Variants in ZC3H4 observed in about 807,000 individuals in gnomAD.
ZC3H4 encodes zinc finger CCCH-type containing 4.
A neutral mutation model predicts 108.3 loss-of-function variants in ZC3H4; 13 were observed. The observed-to-expected ratio is 0.12, with a 90% confidence interval of 0.08 to 0.19. The LOEUF (loss-of-function observed/expected upper bound fraction) is 0.19. Among genes scored for constraint, ZC3H4 ranks in the 10% least tolerant of loss-of-function variants. ZC3H4 has a pLI of 1.00. For missense variants in ZC3H4, 1,734 were observed against 1,838.8 expected, an observed-to-expected ratio of 0.94 and a Z score of 1.04; for synonymous variants, 917 against 749.6, an observed-to-expected ratio of 1.22 and a Z score of -3.65.
At position 47,067,697 on chromosome 19, in the gene ZC3H4, G is replaced by T; in HGVS notation, c.2571C>A (p.Ser857Arg). 6.2e-7 allele frequency: 1 copy of T among 1,602,148 alleles called. No homozygotes were observed. The change falls in exon 15 of 15, where the codon AGC (serine) becomes AGA (arginine). Residue 857 changes from serine (S) to arginine (R), a missense_variant. Coordinates refer to ENST00000253048, the MANE Select transcript of ZC3H4 (RefSeq NM_015168.2). The surrounding 1 kb of genome is among the most constrained non-coding windows in gnomAD (Gnocchi z 6.4). ...PRLQKGHPTG[S>R]RLADPRLSRD... ...GGCTGAGGCGAGGGTCAGCCAGCCG[G>T]CTTCCTGTGGGGTGTCCCTTCTGGA...
rs1331436997 is a variant in ZC3H4 at position 47,085,341 on chromosome 19, C to T, written c.944G>A (p.Arg315His). ...ACCTCGGCCTCGGCTGTCCTTGGAG[C>T]GGCGGTACTGGTTCAGCTCCTTGGA... ...EYSKELNQYR[R>H]SKDSRGRGLS... The change falls in exon 7 of 15, where the codon CGC becomes CAC. Residue 315 changes from arginine to histidine, a missense_variant. Physicochemically the swap from Arg to His is conservative, Grantham distance 29 (BLOSUM62 0). This residue lies in a region of ZC3H4 where 403 missense variants were observed against 457.0 expected (regional missense o/e 0.88). Transcript: ENST00000253048. 6.2e-6 allele frequency: 10 copies of T among 1,601,208 alleles called. No individual in the cohort carries two copies. Among genetic ancestry groups the T allele is most frequent in the East Asian group, 4.5e-5 (2 of 44,812 alleles).
At chr19:47,069,445 G>A (rs2057287090) in intron 13 of ZC3H4, 102 bp from the exon 14 acceptor site, 1 of 1,442,856 alleles carries the variant, frequency 6.9e-7, no homozygotes, top group Non-Finnish European at 9.3e-7. Flanking sequence ...TGGCGATGGA[G>A]AAGGACGCAC....
chr19:47,081,380 T>C, intron 11 of ZC3H4, 133 bp downstream of exon 11: 1 of 706,164 alleles, frequency 1.4e-6, no homozygotes, highest in Non-Finnish European at 2.5e-6. Flanking sequence ...CGTGTCCTCC[T>C]TAGAATGGCC....
In ZC3H4 at chr19:47,066,428, A is replaced by G; in HGVS notation, c.3840T>C (p.Gly1280=). The change falls in exon 15 of 15, where the codon GGT becomes GGC. Residue 1280 remains glycine, a synonymous_variant. Coordinates refer to ENST00000253048, the MANE Select transcript of ZC3H4 (RefSeq NM_015168.2). ...PFAGNSPARE[G]EQDAASLKDV... ...CCTTCAGGGATGCCGCATCCTGCTC[A>G]CCCTCGCGGGCCGGACTGTTCCCAG... The G allele has an allele frequency of 6.4e-7, 1 of 1,569,022 alleles. No individual in the cohort carries two copies. Among genetic ancestry groups the G allele is most frequent in the South Asian group, 1.2e-5 (1 of 83,738 alleles).
intron 14 of ZC3H4, among the ~76,000 whole-genome samples, chr19:47,068,478 G>A (rs1367979941): frequency 1.3e-5 from 2 of 152,228 alleles, no homozygotes; most frequent in Non-Finnish European, 2.9e-5. Context: ...GGGCCGGCTG[G>A]GCAGACTCAG....
chr19:47,111,446 G>A (rs777381443), intron 2 of ZC3H4, among the ~76,000 whole-genome samples: 18 of 152,210 alleles, frequency 1.2e-4, no homozygotes, highest in Non-Finnish European at 1.6e-4. Flanking sequence ...TCTCCCGGAA[G>A]AGACGGTGCC....
At chr19:47,081,345 T>A (rs981903691) in intron 11 of ZC3H4, among the ~76,000 whole-genome samples, 168 bp downstream of exon 11, 2 of 152,106 alleles carry the variant, frequency 1.3e-5, no homozygotes, top group Non-Finnish European at 2.9e-5. Flanking sequence ...CCACCTCAAC[T>A]CCTTGCAGAA....
intron 9 of ZC3H4, 152 bp downstream of exon 9, chr19:47,084,193 A>G: frequency 1.4e-6 from 1 of 690,756 alleles, no homozygotes; most frequent in Non-Finnish European, 2.5e-6. Flanking sequence ...CAGGCCGCCC[A>G]GGCAACTCCC....
chr19:47,079,422 T>C (rs1451976717), intron 11 of ZC3H4, among the ~76,000 whole-genome samples: 1 of 151,098 alleles, frequency 6.6e-6, no homozygotes, highest in Non-Finnish European at 1.5e-5. Context: ...AAATTTTAAA[T>C]GAATGATGTG....
chr19:47,111,326 T>C (rs946196028), intron 2 of ZC3H4, among the ~76,000 whole-genome samples: 1 of 152,146 alleles, frequency 6.6e-6, no homozygotes, highest in African/African-American at 2.4e-5. Flanking sequence ...CTGACCCCAT[T>C]ATCACCCGCC....
intron 11 of ZC3H4, among the ~76,000 whole-genome samples, chr19:47,073,956 C>A (rs1334439365): frequency 6.6e-6 from 1 of 152,144 alleles, no homozygotes; most frequent in East Asian, 1.9e-4. Flanking sequence ...TGACCATGAC[C>A]CTTAGGGCCT....
intron 11 of ZC3H4, among the ~76,000 whole-genome samples, chr19:47,078,679 G>C (rs2057465648): frequency 6.6e-6 from 1 of 151,966 alleles, no homozygotes; most frequent in Admixed American, 6.6e-5. Flanking sequence ...GGCCAACAGG[G>C]TGAAACCCTG....
At chr19:47,073,228 G>A (rs1013763817) in intron 11 of ZC3H4, among the ~76,000 whole-genome samples, 2 of 151,940 alleles carry the variant, frequency 1.3e-5, no homozygotes, top group East Asian at 1.9e-4. Flanking sequence ...AGCCAAGATC[G>A]CACCACTGCA....
rs758022893 is a variant in ZC3H4, at chr19:47,086,527, G to C, written c.727C>G (p.Arg243Gly). The change falls in exon 6 of 15, where the codon CGG becomes GGG. Residue 243 changes from arginine (R) to glycine (G), a missense_variant. Physicochemically the swap from Arg to Gly is moderately radical, Grantham distance 125 (BLOSUM62 -2). Around this residue, in one of 9 missense-constraint regions of ZC3H4, gnomAD observed 403 missense variants for 457.0 expected, o/e 0.88. Transcript: ENST00000253048. ...CCTCGGCCCCTGTAGCCCCGGCCCC[G>C]GCCTCGGCTGCCTGCATGGAGATTC... ...GSSRGRGSRG[R>G]GRGYRGRGSR... The C allele has an allele frequency of 7.6e-6, 12 of 1,588,826 alleles. No homozygotes were observed. The highest frequency in any genetic ancestry group is 7.7e-6 in the Non-Finnish European group (9 of 1,173,722).
chr19:47,069,273 C>T lies in ZC3H4; in HGVS notation c.2217G>A (p.Glu739=). ...GEHLFPEHPL[E]PDSFSEGGPP... is the part of the protein sequence containing the mutation. ...GCCCTCCCTCAGAGAAGCTGTCGGG[C>T]TCCAGAGGGTGCTCAGGGAAGAGGT... The change falls in exon 14 of 15, where the codon GAG becomes GAA. Residue 739 remains glutamate (E), a synonymous_variant. Coordinates refer to ENST00000253048, the MANE Select transcript of ZC3H4 (RefSeq NM_015168.2). 6.2e-7 allele frequency: 1 copy of T among 1,613,908 alleles called. No individual in the cohort carries two copies. Among genetic ancestry groups the T allele is most frequent in the Non-Finnish European group, 8.5e-7 (1 of 1,179,924 alleles).
rs778845717 is a variant in ZC3H4 at position 47,086,333 on chromosome 19, GA to G, written c.870+50del. On this transcript the variant is annotated intron_variant, in intron 6 of 14. Transcript: ENST00000253048. The stretch of plus-strand genomic sequence containing the variant: ...CTCTACCAGCAGTGCTCACGCCCCG[GA>G]AAGCCCACCAGCCTCACCCCGACGT... 1.6e-5 allele frequency: 25 copies of G among 1,606,232 alleles called. No individual in the cohort carries two copies. The Admixed American group carries it at 4.3e-4, about 28-fold the overall frequency.
chr19:47,105,829 C>T (rs2057961626), intron 2 of ZC3H4, among the ~76,000 whole-genome samples: 1 of 152,084 alleles, frequency 6.6e-6, no homozygotes, highest in Non-Finnish European at 1.5e-5. Context: ...CTTGGTTTTC[C>T]AATGCAAAAG....
Position 47,067,444 on chromosome 19 carries a change from C to A in ZC3H4, c.2824G>T (p.Asp942Tyr). The part of the protein sequence containing the change: ...LREKAVNIPL[D>Y]PLPGHPLRDP... ...CGCAGAGGGTGCCCGGGGAGTGGGTCCAGGGGAATGTTCACGGCCTTCTCC... is the reference window on the plus strand; with the variant it reads ...CGCAGAGGGTGCCCGGGGAGTGGGTACAGGGGAATGTTCACGGCCTTCTCC... The change falls in exon 15 of 15, where the codon GAC (aspartate) becomes TAC (tyrosine). Residue 942 changes from aspartate to tyrosine, a missense_variant. Physicochemically the swap from Asp to Tyr is radical, Grantham distance 160. Transcript: ENST00000253048. This position sits in a 1 kb window ranked among gnomAD's most constrained non-coding sequence, Gnocchi z 6.4. 1 of 1,598,414 alleles carries A rather than the reference C, an allele frequency of 6.3e-7. No individual in the cohort carries two copies. The highest frequency in any genetic ancestry group is 8.5e-7 in the Non-Finnish European group (1 of 1,171,552).
At position 47,069,342 on chromosome 19, in the gene ZC3H4, C is replaced by T. The variant is rs765950527; in HGVS notation, c.2148G>A (p.Glu716=). Residue 716 remains glutamate (E), a splice_region_variant and synonymous_variant, in exon 14 of 15, where the codon GAG becomes GAA. Transcript: ENST00000253048. ...GCAGCTCTTCGTAGTGCCCGTAGTCCTCTGTGGCAGGGAAGAACCGAGGGT... is the reference window on the plus strand; with the variant it reads ...GCAGCTCTTCGTAGTGCCCGTAGTCTTCTGTGGCAGGGAAGAACCGAGGGT... ...EMEPGLLGDA[E]DYGHYEELPG... is the part of the protein sequence containing the mutation. The T allele has an allele frequency of 4.3e-6, 7 of 1,612,358 alleles. No homozygotes were observed. The highest frequency in any genetic ancestry group is 5.9e-6 in the Non-Finnish European group (7 of 1,179,372).
Sources: gnomAD v4.1 joint callset for allele counts (sites outside exome capture counted in the v4.1 genomes callset) on GRCh38, gnomAD v4.1.1 for gene constraint, gnomAD v4.1.1 regional missense constraint, Gnocchi (gnomAD v3.1) non-coding constraint, MANE v1.5 for transcripts, NCBI Gene and HGNC (gene_info 2026-07-23, HGNC 2026-07-21) for gene names.